PDGFRB: variants seen among roughly 807,000 people sequenced by gnomAD.
PDGFRB encodes platelet-derived growth factor receptor beta.
In PDGFRB, 42 loss-of-function variants were observed where a neutral mutation model predicts 120.2. The ratio of observed to expected loss-of-function variants is 0.35; its 90% CI spans 0.27 to 0.45. PDGFRB has a LOEUF of 0.45. PDGFRB is among the 20% of genes least tolerant of loss of function. The probability of loss-of-function intolerance (pLI) is 1.00; values close to 1 mark genes in which losing one functional copy is unlikely to be tolerated. For synonymous variants in PDGFRB, 586 were observed against 606.8 expected, an observed-to-expected ratio of 0.97 and a Z score of 0.50; for missense variants, 1,149 against 1,476.3, an observed-to-expected ratio of 0.78 and a Z score of 3.63.
intron 6 of PDGFRB, among the ~76,000 whole-genome samples, chr5:150,133,338 G>A (rs1760528308): frequency 6.6e-6 from 1 of 152,160 alleles, no homozygotes; most frequent in Admixed American, 6.5e-5. Context: ...GGTTGGATTT[G>A]GGGCTGACAC....
At chr5:150,137,686 C>T (rs1030208277) in intron 1 of PDGFRB, among the ~76,000 whole-genome samples, 1 of 152,140 alleles carries the variant, frequency 6.6e-6, no homozygotes, top group Non-Finnish European at 1.5e-5. Flanking sequence ...AGGGGCTGGG[C>T]CCAGGAGAGG....
At position 150,121,433 on chromosome 5, in the gene PDGFRB, C is replaced by A. The variant is rs369128901; in HGVS notation, c.2345-111G>T. The A allele has an allele frequency of 5.5e-6, 4 of 733,024 alleles. No individual in the cohort carries two copies. Among genetic ancestry groups the A allele is most frequent in the East Asian group, 4.9e-5 (2 of 40,460 alleles). 45.4% of individuals were successfully genotyped at this position (733,024 alleles called of 1,614,324 possible). On this transcript the variant is annotated intron_variant, in intron 16 of 22. Coordinates refer to ENST00000261799, the MANE Select transcript of PDGFRB (RefSeq NM_002609.4). The surrounding 1 kb of genome is among the most constrained non-coding windows in gnomAD (Gnocchi z 4.1). ...ATGTCCAAGACAGGTGGCTACTGAT[C>A]GTCTAGGTCTCCCCTAAAAGGAGAA... is the stretch of plus-strand genomic sequence containing the variant.
chr5:150,114,300 G>T lies in PDGFRB; in HGVS notation c.*1463C>A, dbSNP rs1759852529. ...GGTGGGTGAGGGGCAAACCTCCAAA[G>T]CGCCCACCTCTCACATCCTTCTTGG... On this transcript the variant is annotated 3_prime_UTR_variant, in exon 23 of 23. Transcript: ENST00000261799. 1 of 233,214 alleles carries T rather than the reference G, an allele frequency of 4.3e-6. No individual in the cohort carries two copies. The highest frequency in any genetic ancestry group is 8.5e-6 in the Non-Finnish European group (1 of 118,008). 14.4% of individuals were successfully genotyped at this position (233,214 alleles called of 1,614,324 possible).
intron 13 of PDGFRB, 85 bp from the exon 14 acceptor site, chr5:150,124,445 G>T: frequency 1.0e-6 from 1 of 983,922 alleles, no homozygotes; most frequent in Non-Finnish European, 1.6e-6. Flanking sequence ...TGACTCTTCT[G>T]CCCCGCCCTG....
intron 1 of PDGFRB, among the ~76,000 whole-genome samples, chr5:150,138,770 C>T (rs982445326): frequency 6.6e-6 from 1 of 152,248 alleles, no homozygotes; most frequent in African/African-American, 2.4e-5. Flanking sequence ...CACAGAGGCC[C>T]ATCTGCCCCT....
intron 1 of PDGFRB, among the ~76,000 whole-genome samples, 190 bp downstream of exon 1, chr5:150,155,207 A>C (rs1227985340): frequency 1.3e-5 from 2 of 151,720 alleles, no homozygotes; most frequent in East Asian, 3.9e-4. Flanking sequence ...ACCCCAGAGC[A>C]GGGGAAAGGA....
chr5:150,129,638 G>A, intron 10 of PDGFRB, 119 bp downstream of exon 10: 5 of 742,190 alleles, frequency 6.7e-6, no homozygotes, highest in South Asian at 5.1e-5. Flanking sequence ...CAATGCTCCT[G>A]TTTGCCCCTG....
At chr5:150,143,748 G>C (rs1718221072) in intron 1 of PDGFRB, among the ~76,000 whole-genome samples, 5 of 152,124 alleles carry the variant, frequency 3.3e-5, no homozygotes, top group Admixed American at 2.6e-4. Context: ...GACAGTTACA[G>C]GTGGAGGGGA....
chr5:150,120,274 T>C lies in PDGFRB; in HGVS notation c.2587-151A>G. ...GGGCCCTGGTCTCTGCGCAGCACAG[T>C]TCCCATGTCCATCCCAGGGCTGGTC... On this transcript the variant is annotated intron_variant, in intron 18 of 22. Transcript: ENST00000261799. The surrounding 1 kb of genome is among the most constrained non-coding windows in gnomAD (Gnocchi z 4.3). 1.7e-6 allele frequency: 1 copy of C among 604,908 alleles called. No individual in the cohort carries two copies. Among genetic ancestry groups the C allele is most frequent in the South Asian group, 2.0e-5 (1 of 51,186 alleles). 37.5% of individuals were successfully genotyped at this position (604,908 alleles called of 1,614,324 possible). A position where few individuals can be genotyped will look rare whatever the true frequency, so the allele number is the denominator to read the frequency against.
chr5:150,129,888 C>T lies in PDGFRB; in HGVS notation c.1448G>A (p.Trp483Ter). Residue 483 changes from tryptophan to a stop codon, truncating the protein, a stop_gained, in exon 10 of 23, where the codon TGG becomes TAG. Coordinates refer to ENST00000261799, the MANE Select transcript of PDGFRB (RefSeq NM_002609.4). LOFTEE classifies it high-confidence loss of function. ...ESQLETNVTY[W>*]EEEQEFEVVS... is the part of the protein sequence containing the mutation. The stretch of plus-strand genomic sequence containing the variant: ...CACCTCAAACTCCTGCTCCTCCTCC[C>T]AGTACGTCACGTTAGTCTCCAGCTG... 1.2e-6 allele frequency: 2 copies of T among 1,614,170 alleles called. No homozygotes were observed. The highest frequency in any genetic ancestry group is 1.7e-6 in the Non-Finnish European group (2 of 1,180,000).
rs778226026 is a variant in PDGFRB at position 150,132,958 on chromosome 5, G to A, written c.935-16C>T. ...TAGCCGCTCTCTGCAAGGGGTGACC[G>A]TCAGGGGCGGGGCCCTGGGGGCAGG... On this transcript the variant is annotated splice_polypyrimidine_tract_variant and intron_variant, in intron 6 of 22. Transcript: ENST00000261799. The surrounding 1 kb of genome is among the most constrained non-coding windows in gnomAD (Gnocchi z 5.0). 61 of 1,536,178 alleles carry A rather than the reference G, an allele frequency of 4.0e-5. No individual in the cohort carries two copies. Among genetic ancestry groups the A allele is most frequent in the East Asian group, 2.9e-4 (12 of 40,958 alleles).
In PDGFRB at chr5:150,115,699, G is replaced by A; in HGVS notation, c.*64C>T. 2.0e-6 allele frequency: 3 copies of A among 1,473,090 alleles called. No individual in the cohort carries two copies. The highest frequency in any genetic ancestry group is 1.4e-5 in the South Asian group (1 of 73,530). 91.3% of individuals were successfully genotyped at this position (1,473,090 alleles called of 1,614,324 possible). The stretch of plus-strand genomic sequence containing the variant: ...CTGACAGGAAGCCCGGTCAGGCCAG[G>A]CCAGGAGATGCTGGGTGCTGGCAGG... On this transcript the variant is annotated 3_prime_UTR_variant, in exon 23 of 23. Coordinates refer to ENST00000261799, the MANE Select transcript of PDGFRB (RefSeq NM_002609.4).
intron 1 of PDGFRB, among the ~76,000 whole-genome samples, chr5:150,138,824 A>G (rs1273324847): frequency 2.0e-5 from 3 of 152,228 alleles, no homozygotes; most frequent in African/African-American, 4.8e-5. Flanking sequence ...TAGAGATCTC[A>G]GCCAAAGAAA....
intron 1 of PDGFRB, among the ~76,000 whole-genome samples, chr5:150,139,261 T>C (rs3776075): frequency 6.6e-6 from 1 of 151,696 alleles, no homozygotes; most frequent in Non-Finnish European, 1.5e-5. Flanking sequence ...CGTAGGGAGG[T>C]TGTAGGCACC....
rs530263779 is a variant in PDGFRB at position 150,121,130 on chromosome 5, C to T, written c.2463+74G>A. 2.2e-6 allele frequency: 3 copies of T among 1,371,824 alleles called. No individual in the cohort carries two copies. Among genetic ancestry groups the T allele is most frequent in the Non-Finnish European group, 2.1e-6 (2 of 959,226 alleles). The allele number at this position is 1,371,824 out of a possible 1,614,324, so 85.0% of individuals were successfully genotyped here. A position where few individuals can be genotyped will look rare whatever the true frequency, so the allele number is the denominator to read the frequency against. On this transcript the variant is annotated intron_variant, in intron 17 of 22. Coordinates refer to ENST00000261799, the MANE Select transcript of PDGFRB (RefSeq NM_002609.4). This position sits in a 1 kb window ranked among gnomAD's most constrained non-coding sequence, Gnocchi z 4.1. ...GTGCGAGAGGCCACCCTGGTGTGCT[C>T]TTGGAGGATGCTGGCTGGCTGGGTG... is the stretch of plus-strand genomic sequence containing the variant.
Position 150,130,592 on chromosome 5 carries a change from G to A in PDGFRB, c.1314C>T (p.Gly438=), listed in dbSNP as rs1480429176. 1 of 1,604,830 alleles carries A rather than the reference G, an allele frequency of 6.2e-7. No individual in the cohort carries two copies. The highest frequency in any genetic ancestry group is 8.5e-7 in the Non-Finnish European group (1 of 1,175,306). The change falls in exon 9 of 23, where the codon GGC becomes GGT. Residue 438 remains glycine, a synonymous_variant. Transcript: ENST00000261799. ...DSGEQTVRCR[G]RGMPQPNIIW... is the part of the protein sequence containing the mutation. ...TGATGTTCGGCTGGGGCATGCCCCG[G>A]CCACGACAGCGGACTGTCTGTTCCC...
rs1310981883 is a variant in PDGFRB, at chr5:150,137,136, G to A, written c.-6-83C>T. ...TCTCACCACCTGGCTCCTGCAGAAT[G>A]AGCCCCAGCTTGGGCCACCCAGCCT... On this transcript the variant is annotated intron_variant, in intron 1 of 22. Coordinates refer to ENST00000261799, the MANE Select transcript of PDGFRB (RefSeq NM_002609.4). 8.2e-6 allele frequency: 10 copies of A among 1,221,822 alleles called. No individual in the cohort carries two copies. The South Asian group carries it at 9.2e-5, about 11-fold the overall frequency. The allele number at this position is 1,221,822 out of a possible 1,614,324, so 75.7% of individuals were successfully genotyped here.
intron 10 of PDGFRB, among the ~76,000 whole-genome samples, chr5:150,128,131 C>A (rs767377940): frequency 1.3e-5 from 2 of 152,242 alleles, no homozygotes; most frequent in Non-Finnish European, 2.9e-5. Context: ...TCGCTGGAGG[C>A]ATGAAGGAGC....
At chr5:150,119,071 G>A (rs554449296) in intron 20 of PDGFRB, among the ~76,000 whole-genome samples, 5 of 152,328 alleles carry the variant, frequency 3.3e-5, no homozygotes, top group South Asian at 2.1e-4. Context: ...GGTTGACTAC[G>A]CCTGGGTGAG....
Sources: allele counts gnomAD v4.1 joint callset (sites outside exome capture counted in the v4.1 genomes callset), GRCh38; gene constraint gnomAD v4.1.1; non-coding constraint Gnocchi (gnomAD v3.1); transcripts MANE v1.5; gene names NCBI Gene and HGNC (gene_info 2026-07-23, HGNC 2026-07-21).